DENND2D: variants seen among roughly 807,000 people sequenced by gnomAD.
DENND2D encodes the protein DENN domain containing 2D.
A neutral mutation model predicts 59.8 loss-of-function variants in DENND2D; 37 were observed. That is an observed-to-expected ratio of 0.62 (90% confidence interval 0.48 to 0.81). DENND2D has a LOEUF of 0.81. Among genes scored for constraint, DENND2D ranks in the 40% least tolerant of loss-of-function variants. DENND2D has a pLI of 0.00. For synonymous variants in DENND2D, 219 were observed against 211.3 expected, an observed-to-expected ratio of 1.04 and a Z score of -0.31; for missense variants, 525 against 579.7, an observed-to-expected ratio of 0.91 and a Z score of 0.97.
Position 111,198,685 on chromosome 1 carries a change from G to T in DENND2D, c.301C>A (p.Pro101Thr), listed in dbSNP as rs756594745. Residue 101 changes from proline (P) to threonine (T), a missense_variant, in exon 3 of 12, where the codon CCC becomes ACC. Transcript: ENST00000357640. Reference protein sequence around the residue: ...EEEERLLKAIPLFCFPDGNEW... With the variant: ...EEEERLLKAITLFCFPDGNEW... Reference sequence around the variant, plus strand: ...TTCCCATCTGGGAAGCAGAACAAGGGGATAGCTTTGAGCAGCCGCTCCTCC... The same window carrying T: ...TTCCCATCTGGGAAGCAGAACAAGGTGATAGCTTTGAGCAGCCGCTCCTCC... The T allele has an allele frequency of 1.9e-6, 3 of 1,614,140 alleles. No homozygotes were observed. The East Asian group carries it at 6.7e-5, about 36-fold the overall frequency.
In DENND2D at chr1:111,199,672, T is replaced by C. The variant is rs1458080007; in HGVS notation, c.194A>G (p.Lys65Arg). The C allele has an allele frequency of 2.5e-6, 4 of 1,614,024 alleles. No individual in the cohort carries two copies. The East Asian group carries it at 8.9e-5, about 36-fold the overall frequency. ...AGGCTCGTAATCATCCTCTGAACGC[T>C]TCTTTTTGAGAGAAACCACAAGAAG... Reference protein sequence around the residue: ...EYLLVVSLKKKRSEDDYEPII... With the variant: ...EYLLVVSLKKRRSEDDYEPII... The change falls in exon 2 of 12, where the codon AAG (lysine) becomes AGG (arginine). Residue 65 changes from lysine to arginine, a missense_variant. Around this residue, in one of 3 missense-constraint regions of DENND2D, gnomAD observed 253 missense variants for 246.4 expected, o/e 1.03. Coordinates refer to ENST00000357640, the MANE Select transcript of DENND2D (RefSeq NM_024901.5).
Position 111,189,192 on chromosome 1 carries a change from A to G in DENND2D, c.1014+20T>C, listed in dbSNP as rs995052451. 1.2e-5 allele frequency: 19 copies of G among 1,614,096 alleles called. No homozygotes were observed. The highest frequency in any genetic ancestry group is 1.6e-5 in the Non-Finnish European group (19 of 1,179,954). ...AGAGTTGTTGATAGGCCTGCAGGGG[A>G]TCTGAACCCAGACACTTACCGACAT... On this transcript the variant is annotated intron_variant, in intron 9 of 11. Coordinates refer to ENST00000357640, the MANE Select transcript of DENND2D (RefSeq NM_024901.5).
chr1:111,202,753 G>A (rs1442155475), upstream of DENND2D, among the ~76,000 whole-genome samples: 2 of 150,378 alleles, frequency 1.3e-5, no homozygotes, highest in African/African-American at 4.9e-5. Flanking sequence ...ACTGTCCTGG[G>A]GCCAGAAAGG....
intron 5 of DENND2D, chr1:111,196,304 T>C (rs1032017831): frequency 1.6e-5 from 6 of 384,176 alleles, no homozygotes; most frequent in Non-Finnish European, 2.4e-5. Flanking sequence ...ATTATCTCTC[T>C]ACACATCCAT....
intron 10 of DENND2D, 104 bp downstream of exon 10, chr1:111,188,598 G>T (rs1324608960): frequency 2.4e-6 from 3 of 1,232,970 alleles, no homozygotes; most frequent in African/African-American, 3.0e-5. Flanking sequence ...CTCTAGGGCT[G>T]GTCTAGGACT....
At chr1:111,203,907 CG>C (rs1659049130), upstream of DENND2D, among the ~76,000 whole-genome samples, 1 of 150,158 alleles carries the variant, frequency 6.7e-6, no homozygotes, top group Non-Finnish European at 1.5e-5. Flanking sequence ...CGAGGTGGGG[CG>C]GGGCGGCGGG....
In DENND2D at chr1:111,188,140, G is replaced by T. The variant is rs1171711164; in HGVS notation, c.1330C>A (p.Pro444Thr). ...GGGACTGTTACTGTACCTGCAGGAGGATTCTTGCTCTTCTCGGCTTCCTGG... is the reference window on the plus strand; with the variant it reads ...GGGACTGTTACTGTACCTGCAGGAGTATTCTTGCTCTTCTCGGCTTCCTGG... ...FIQEAEKSKNPPAGYFQQKIL... is the reference protein window; with the variant it reads ...FIQEAEKSKNTPAGYFQQKIL... Residue 444 changes from proline (P) to threonine (T), a missense_variant, in exon 11 of 12, where the codon CCT (proline) becomes ACT (threonine). Around this residue, in one of 3 missense-constraint regions of DENND2D, gnomAD observed 225 missense variants for 252.4 expected, o/e 0.89. Coordinates refer to ENST00000357640, the MANE Select transcript of DENND2D (RefSeq NM_024901.5). 6.2e-7 allele frequency: 1 copy of T among 1,614,182 alleles called. No homozygotes were observed.
Position 111,188,300 on chromosome 1 carries a change from A to G in DENND2D, c.1170T>C (p.Tyr390=), listed in dbSNP as rs766496989. ...TTGCCTCCCGCTTGATATAGGAAGC[A>G]TAATGGCCCACAATCTTGACAAAGA... ...VQFFVKIVGH[Y]ASYIKREANG... is the part of the protein sequence containing the mutation. Residue 390 remains tyrosine (Y), a synonymous_variant, in exon 11 of 12, where the codon TAT becomes TAC. Transcript: ENST00000357640. 2.5e-6 allele frequency: 4 copies of G among 1,614,210 alleles called. No individual in the cohort carries two copies. The highest frequency in any genetic ancestry group is 4.5e-5 in the East Asian group (2 of 44,888).
chr1:111,196,158 G>A lies in DENND2D; in HGVS notation c.505-102C>T, dbSNP rs1339085519. ...TGAGCGTCATAATGTTCTCATACTGGTTCAGCTGATCCTCATGTATCTTCT... is the reference window on the plus strand; with the variant it reads ...TGAGCGTCATAATGTTCTCATACTGATTCAGCTGATCCTCATGTATCTTCT... On this transcript the variant is annotated intron_variant, in intron 5 of 11. Coordinates refer to ENST00000357640, the MANE Select transcript of DENND2D (RefSeq NM_024901.5). 2.8e-6 allele frequency: 4 copies of A among 1,417,138 alleles called. No individual in the cohort carries two copies. The African/African-American group carries it at 4.3e-5, about 15-fold the overall frequency. The allele number at this position is 1,417,138 out of a possible 1,614,324, so 87.8% of individuals were successfully genotyped here.
Position 111,196,036 on chromosome 1 carries a change from C to A in DENND2D, c.525G>T (p.Lys175Asn), listed in dbSNP as rs778538719. ...LFSKILDEVE[K>N]RHQISMAVIY... ...TGACAGCCATGGAGATCTGATGTCT[C>A]TTCTCCACTTCATCCAGGATCTGCA... Residue 175 changes from lysine to asparagine, a missense_variant, in exon 6 of 12, where the codon AAG becomes AAT. Around this residue, in one of 3 missense-constraint regions of DENND2D, gnomAD observed 253 missense variants for 246.4 expected, o/e 1.03. Coordinates refer to ENST00000357640, the MANE Select transcript of DENND2D (RefSeq NM_024901.5). 4 of 1,611,328 alleles carry A rather than the reference C, an allele frequency of 2.5e-6. No individual in the cohort carries two copies. The highest frequency in any genetic ancestry group is 2.5e-6 in the Non-Finnish European group (3 of 1,178,364).
chr1:111,198,616 G>A lies in DENND2D; in HGVS notation c.356+14C>T. The A allele has an allele frequency of 6.2e-7, 1 of 1,611,566 alleles. No individual in the cohort carries two copies. Among genetic ancestry groups the A allele is most frequent in the Non-Finnish European group, 8.5e-7 (1 of 1,177,828 alleles). ...CCCCAAATCCAATACCCTTGCCCAG[G>A]GCTGAGCAATTACCTGGGATACTCG... On this transcript the variant is annotated intron_variant, in intron 3 of 11. Transcript: ENST00000357640.
At chr1:111,198,355 T>C (rs1658453188) in intron 3 of DENND2D, among the ~76,000 whole-genome samples, 1 of 152,194 alleles carries the variant, frequency 6.6e-6, no homozygotes, top group East Asian at 1.9e-4. Context: ...TTCTGCTAAG[T>C]CCAGCTTGGG....
rs150029631 is a variant in DENND2D, at chr1:111,194,671, G to A, written c.701C>T (p.Ser234Phe). Reference sequence around the variant, plus strand: ...TTCAAAACTGAGACAGTGCAATAGAGAACTAAAATCCACATGTTCTAGGTG... The same window carrying A: ...TTCAAAACTGAGACAGTGCAATAGAAAACTAAAATCCACATGTTCTAGGTG... ...DSHLEHVDFS[S>F]LLHCLSFEQI... is the part of the protein sequence containing the mutation. Residue 234 changes from serine (S) to phenylalanine (F), a missense_variant, in exon 7 of 12, where the codon TCT (serine) becomes TTT (phenylalanine). This residue lies in a region of DENND2D where 47 missense variants were observed against 80.9 expected (regional missense o/e 0.58). Transcript: ENST00000357640. The A allele has an allele frequency of 8.6e-4, 1,383 of 1,614,072 alleles. 7 individuals are homozygous for A. In the African/African-American group the frequency reaches 0.015, roughly 17 times the overall value.
chr1:111,196,072 C>A lies in DENND2D; in HGVS notation c.505-16G>T. 6.3e-7 allele frequency: 1 copy of A among 1,596,050 alleles called. No individual in the cohort carries two copies. The highest frequency in any genetic ancestry group is 8.5e-7 in the Non-Finnish European group (1 of 1,170,430). On this transcript the variant is annotated splice_polypyrimidine_tract_variant and intron_variant, in intron 5 of 11. Transcript: ENST00000357640. ...CATCCAGGATCTGCAGGGAAAAGAA[C>A]CACGGGAGGCACGGCTCAAAGGGAC...
chr1:111,204,115 T>A, upstream of DENND2D: 18 of 146,980 alleles, frequency 1.2e-4, no homozygotes, highest in East Asian at 2.5e-4. Flanking sequence ...CCTGACCCTC[T>A]TCCCCTCTCC....
At chr1:111,187,744 A>G in intron 11 of DENND2D, 63 bp from the exon 12 acceptor site, 1 of 1,300,952 alleles carries the variant, frequency 7.7e-7, no homozygotes, top group Non-Finnish European at 1.1e-6. Context: ...TAATGAGCTC[A>G]GGAATAAGGA....
At chr1:111,196,229 G>T in intron 5 of DENND2D, 173 bp from the exon 6 acceptor site, 1 of 699,552 alleles carries the variant, frequency 1.4e-6, no homozygotes, top group Non-Finnish European at 2.2e-6. Context: ...CAGAGGCTGG[G>T]CTCATGCTAA....
chr1:111,197,100 G>A (rs1375020252), intron 5 of DENND2D, 76 bp downstream of exon 5: 2 of 1,490,866 alleles, frequency 1.3e-6, no homozygotes, highest in African/African-American at 1.4e-5. Context: ...TCCACTAAGA[G>A]CTTAGTTGCA....
At chr1:111,190,591 G>A (rs1657682976) in intron 8 of DENND2D, among the ~76,000 whole-genome samples, 1 of 152,250 alleles carries the variant, frequency 6.6e-6, no homozygotes, top group Non-Finnish European at 1.5e-5. Flanking sequence ...AGATGGAACT[G>A]AGTAGCAGTT....
Sources: allele counts gnomAD v4.1 joint callset (sites outside exome capture counted in the v4.1 genomes callset), GRCh38; gene constraint gnomAD v4.1.1; regional missense constraint gnomAD v4.1.1; transcripts MANE v1.5; gene names NCBI Gene and HGNC (gene_info 2026-07-23, HGNC 2026-07-21).